Variants in MCTP1 observed in about 807,000 individuals in gnomAD.
MCTP1 encodes the protein multiple C2 and transmembrane domain-containing protein 1.
In MCTP1, 69 loss-of-function variants were observed where a neutral mutation model predicts 120.6. The observed-to-expected ratio is 0.57, with a 90% CI of 0.47 to 0.70. The LOEUF is 0.70. Ranked by LOEUF, MCTP1 falls within the 30% of genes least tolerant of loss-of-function variation. The probability of loss-of-function intolerance (pLI) is 0.00; values close to 1 mark genes in which losing one functional copy is unlikely to be tolerated. For synonymous variants in MCTP1, 529 were observed against 493.1 expected (o/e 1.07, Z -0.96); for missense variants, 1,203 against 1,248.8 (o/e 0.96, Z 0.55).
At chr5:95,094,796 T>C (rs927232651) in intron 1 of MCTP1, among the ~76,000 whole-genome samples, 2 of 152,138 alleles carry the variant, frequency 1.3e-5, no homozygotes, top group Non-Finnish European at 2.9e-5. Flanking sequence ...CTGAGTATAC[T>C]ATTAGCTATT....
At chr5:94,835,325 C>A (rs1467890590) in intron 17 of MCTP1, among the ~76,000 whole-genome samples, 3 of 152,154 alleles carry the variant, frequency 2.0e-5, no homozygotes, top group Non-Finnish European at 4.4e-5. Flanking sequence ...TTACTTAGTT[C>A]TCACAAAAGC....
chr5:95,160,689 T>C (rs1441236816), intron 1 of MCTP1, among the ~76,000 whole-genome samples: 1 of 151,652 alleles, frequency 6.6e-6, no homozygotes, highest in Non-Finnish European at 1.5e-5. Flanking sequence ...TGGGAGAAAA[T>C]ATTTGCAAAC....
intron 1 of MCTP1, among the ~76,000 whole-genome samples, chr5:95,209,487 G>A (rs1209103730): frequency 6.6e-6 from 1 of 152,030 alleles, no homozygotes; most frequent in African/African-American, 2.4e-5. Flanking sequence ...AAAACTTTCA[G>A]AGAATCCCTA....
At chr5:95,013,882 G>A (rs897775129) in intron 2 of MCTP1, among the ~76,000 whole-genome samples, 2 of 152,054 alleles carry the variant, frequency 1.3e-5, no homozygotes, top group African/African-American at 4.8e-5. Context: ...TAAGGCTATA[G>A]CTGCTATATG....
At chr5:94,784,083 TA>T (rs1189141349) in intron 18 of MCTP1, among the ~76,000 whole-genome samples, 3 of 152,118 alleles carry the variant, frequency 2.0e-5, no homozygotes, top group Non-Finnish European at 2.9e-5. Flanking sequence ...CATGTTAAAA[TA>T]TTAAAGAAAA....
At chr5:94,779,682 G>A (rs1041084836) in intron 18 of MCTP1, among the ~76,000 whole-genome samples, 2 of 152,080 alleles carry the variant, frequency 1.3e-5, no homozygotes, top group African/African-American at 2.4e-5. Flanking sequence ...TAAATGTCAA[G>A]TCTTGCCTCT....
chr5:95,109,046 A>T (rs1757281167), intron 1 of MCTP1, among the ~76,000 whole-genome samples: 1 of 152,200 alleles, frequency 6.6e-6, no homozygotes, highest in South Asian at 2.1e-4. Flanking sequence ...TTACCTGATA[A>T]AGGCATATTC....
rs1341831668 is a variant in MCTP1, at chr5:95,100,192, G to A, written c.721-82708C>T. 5.9e-5 allele frequency among the ~76,000 whole-genome samples: 9 copies of A among 151,918 alleles called. No individual in the cohort carries two copies. The East Asian group carries it at 1.6e-3, about 26-fold the overall frequency. On this transcript the variant is annotated intron_variant, in intron 1 of 22. Coordinates refer to ENST00000515393, the MANE Select transcript of MCTP1 (RefSeq NM_024717.7). Reference sequence around the variant, plus strand: ...AATGCTAGATGACGAGTTAGTGGGTGCAGCGCACCAGCATGGCTCATGTAT... The same window carrying A: ...AATGCTAGATGACGAGTTAGTGGGTACAGCGCACCAGCATGGCTCATGTAT...
intron 1 of MCTP1, among the ~76,000 whole-genome samples, chr5:95,178,578 A>C (rs1748274002): frequency 1.3e-5 from 2 of 152,184 alleles, no homozygotes; most frequent in Non-Finnish European, 2.9e-5. Flanking sequence ...GAGCAAAAGC[A>C]ATCACTGCAG....
intron 1 of MCTP1, among the ~76,000 whole-genome samples, chr5:95,228,500 A>T (rs1382132888): frequency 1.4e-5 from 2 of 145,136 alleles, no homozygotes; most frequent in African/African-American, 5.1e-5. Flanking sequence ...GAGCGAGACA[A>T]ATGAGACAGT....
At chr5:94,849,892 A>G (rs966033881) in intron 17 of MCTP1, among the ~76,000 whole-genome samples, 52 of 152,202 alleles carry the variant, frequency 3.4e-4, no homozygotes, top group Non-Finnish European at 5.0e-4. Context: ...GGCACTTTGC[A>G]GTAATTATTT....
At chr5:94,994,208 A>G (rs1396011344) in intron 2 of MCTP1, among the ~76,000 whole-genome samples, 1 of 152,194 alleles carries the variant, frequency 6.6e-6, no homozygotes, top group East Asian at 1.9e-4. Flanking sequence ...GCCTTAGAGA[A>G]ATGAAATTGG....
intron 17 of MCTP1, among the ~76,000 whole-genome samples, chr5:94,853,140 C>T (rs1794077254): frequency 6.6e-6 from 1 of 151,804 alleles, no homozygotes; most frequent in Non-Finnish European, 1.5e-5. Flanking sequence ...TTTTAAACCA[C>T]ATTACTTTTG....
intron 2 of MCTP1, among the ~76,000 whole-genome samples, chr5:94,983,047 G>T (rs1829781974): frequency 6.6e-6 from 1 of 152,008 alleles, no homozygotes. Flanking sequence ...TGAAAATGAA[G>T]GGGGACACAT....
chr5:95,211,704 C>T (rs1404733867), intron 1 of MCTP1, among the ~76,000 whole-genome samples: 1 of 152,172 alleles, frequency 6.6e-6, no homozygotes, highest in African/African-American at 2.4e-5. Context: ...CCAGCTTTGT[C>T]CCATTGCTGG....
chr5:95,074,495 G>A (rs1353667005), intron 1 of MCTP1, among the ~76,000 whole-genome samples: 1 of 152,204 alleles, frequency 6.6e-6, no homozygotes, highest in Non-Finnish European at 1.5e-5. Context: ...TTGGATAGGT[G>A]TATACATTTT....
chr5:94,784,820 G>T (rs1255622316), intron 18 of MCTP1: 2 of 151,884 alleles, frequency 1.3e-5, no homozygotes, highest in East Asian at 3.9e-4. Context: ...AAAAGCATTA[G>T]TACTTACTGC....
intron 5 of MCTP1, among the ~76,000 whole-genome samples, chr5:94,934,920 C>T (rs1044870140): frequency 5.9e-5 from 9 of 151,814 alleles, no homozygotes; most frequent in Non-Finnish European, 1.2e-4. Context: ...GTGGATTGAA[C>T]TCTGCTAGAA....
intron 12 of MCTP1, among the ~76,000 whole-genome samples, chr5:94,874,613 A>G (rs1429363543): frequency 6.6e-6 from 1 of 152,084 alleles, no homozygotes; most frequent in Admixed American, 6.6e-5. Flanking sequence ...GTCTGGTGAA[A>G]ATTGTACTTC....
Sources: gnomAD v4.1 joint callset for allele counts (sites outside exome capture counted in the v4.1 genomes callset) on GRCh38, gnomAD v4.1.1 for gene constraint, MANE v1.5 for transcripts, NCBI Gene and HGNC (gene_info 2026-07-23, HGNC 2026-07-21) for gene names.